CACNG7: variants seen among roughly 807,000 people sequenced by gnomAD.
CACNG7 encodes calcium voltage-gated channel auxiliary subunit gamma 7.
CACNG7 carries 9 observed loss-of-function variants against 26.3 expected under a neutral mutation model. The observed-to-expected ratio is 0.34, with a 90% CI of 0.21 to 0.60. The LOEUF (loss-of-function observed/expected upper bound fraction) is 0.60. Among genes scored for constraint, CACNG7 ranks in the 20% least tolerant of loss-of-function variants. CACNG7 has a pLI of 0.81. For missense variants in CACNG7, 297 were observed against 380.4 expected, an observed-to-expected ratio of 0.78 and a Z score of 1.82; for synonymous variants, 170 against 157.0, an observed-to-expected ratio of 1.08 and a Z score of -0.62.
At chr19:53,935,323 C>CTT (rs924568571) in intron 4 of CACNG7, among the ~76,000 whole-genome samples, 3 of 142,220 alleles carry the variant, frequency 2.1e-5, no homozygotes, top group African/African-American at 5.2e-5. Context: ...CCAATACTGT[C>CTT]TTTTTTTTTT....
chr19:53,921,365 TCCCCAGGTCTGGTCATTGGTGGAGTTG>T (rs1599976329), intron 4 of CACNG7, among the ~76,000 whole-genome samples: 35 of 112,398 alleles, frequency 3.1e-4, no homozygotes, highest in African/African-American at 5.5e-4. Flanking sequence ...GGTGGAGTCG[TCCCCAGGTCTGGTCATTGGTGGAGTTG>T]CCCCAGGTCT....
At chr19:53,914,054 T>A (rs1213729984) in intron 2 of CACNG7, among the ~76,000 whole-genome samples, 1 of 151,586 alleles carries the variant, frequency 6.6e-6, no homozygotes, top group African/African-American at 2.4e-5. Flanking sequence ...GGCAGGTGGA[T>A]CACAAGGTCA....
At chr19:53,927,669 C>T (rs2069041157) in intron 4 of CACNG7, among the ~76,000 whole-genome samples, 1 of 151,954 alleles carries the variant, frequency 6.6e-6, no homozygotes. Flanking sequence ...GAAACCCCGT[C>T]TCTATTAAAA....
rs1409916281 is a variant in CACNG7, at chr19:53,921,634, TCCCCAGGTCTGGTCATTGGTGGACTTG to T, written c.424+6180_424+6206del. 5.0e-3 allele frequency among the ~76,000 whole-genome samples: 221 copies of T among 44,084 alleles called. 1 individual carries two copies. The highest frequency in any genetic ancestry group is 0.013 in the Middle Eastern group (1 of 76). The allele number at this position is 44,084 out of a possible 152,430, so 28.9% of individuals were successfully genotyped here. The stretch of plus-strand genomic sequence containing the variant: ...CCAGGTCTGGTCATTGGTGGAGTCG[TCCCCAGGTCTGGTCATTGGTGGACTTG>T]CCCCAGGTCTGGTCATTGGTGGACT... On this transcript the variant is annotated intron_variant, in intron 4 of 5. Transcript: ENST00000391767.
At chr19:53,922,857 T>TCTGGTCATTGGTGGAGTTGACTCAGG (rs2068974287) in intron 4 of CACNG7, among the ~76,000 whole-genome samples, 1 of 64,008 alleles carries the variant, frequency 1.6e-5, no homozygotes, top group Non-Finnish European at 2.6e-5. Flanking sequence ...TTGCCCCAGG[T>TCTGGTCATTGGTGGAGTTGACTCAGG]CTGGTCATTG....
At position 53,909,480 on chromosome 19, in the gene CACNG7, G is replaced by GC. The variant is rs1375544864; in HGVS notation, c.-67_-66insC. ...CTCGGGGCCGGTCATGCGGCTGCGG[G>GC]GCCCGCGGCCCGGAGCGTCCGCCCA... On this transcript the variant is annotated 5_prime_UTR_variant, in exon 1 of 6. It removes the in-frame stop codon of an upstream open reading frame in the 5' UTR. Coordinates refer to ENST00000391767, the MANE Select transcript of CACNG7 (RefSeq NM_031896.5). The surrounding 1 kb of genome is among the most constrained non-coding windows in gnomAD (Gnocchi z 5.1). 1 of 151,756 alleles carries GC rather than the reference G, an allele frequency of 6.6e-6. No homozygotes were observed. The highest frequency in any genetic ancestry group is 1.5e-5 in the Non-Finnish European group (1 of 67,702). 9.4% of individuals were successfully genotyped at this position (151,756 alleles called of 1,614,324 possible).
At chr19:53,924,371 T>C (rs867614831) in intron 4 of CACNG7, among the ~76,000 whole-genome samples, 69 of 132,952 alleles carry the variant, frequency 5.2e-4, no homozygotes, top group Admixed American at 1.4e-3. Flanking sequence ...TGTCCCCAGG[T>C]CTGGTCATTG....
intron 4 of CACNG7, among the ~76,000 whole-genome samples, chr19:53,938,598 C>A (rs1458184586): frequency 6.6e-6 from 1 of 152,172 alleles, no homozygotes; most frequent in African/African-American, 2.4e-5. Context: ...ATGGGTGTGG[C>A]TGTGTTCCAC....
intron 4 of CACNG7, among the ~76,000 whole-genome samples, chr19:53,934,291 G>A (rs1045763905): frequency 6.6e-6 from 1 of 152,170 alleles, no homozygotes; most frequent in African/African-American, 2.4e-5. Context: ...TAGACTAGAG[G>A]CTTGATAACA....
At chr19:53,921,581 C>T (rs1394050250) in intron 4 of CACNG7, among the ~76,000 whole-genome samples, 1 of 118,684 alleles carries the variant, frequency 8.4e-6, no homozygotes, top group Admixed American at 7.9e-5. Flanking sequence ...TGGAGTTGCC[C>T]CAGGTCTGGT....
chr19:53,926,417 C>T (rs1186126323), intron 4 of CACNG7, among the ~76,000 whole-genome samples: 1 of 152,026 alleles, frequency 6.6e-6, no homozygotes, highest in East Asian at 1.9e-4. Context: ...AGTCCTTTCC[C>T]CACCTCCAAC....
chr19:53,938,378 G>T (rs558409825), intron 4 of CACNG7, among the ~76,000 whole-genome samples: 5 of 152,134 alleles, frequency 3.3e-5, no homozygotes, highest in Non-Finnish European at 7.4e-5. Flanking sequence ...AAGTTAGGTG[G>T]TCTAAGAAAA....
At chr19:53,927,205 C>G (rs1478425499) in intron 4 of CACNG7, among the ~76,000 whole-genome samples, 2 of 152,110 alleles carry the variant, frequency 1.3e-5, no homozygotes, top group Non-Finnish European at 2.9e-5. Context: ...CAGGCGTGAG[C>G]CACTGCGGCG....
intron 4 of CACNG7, among the ~76,000 whole-genome samples, chr19:53,931,265 C>T (rs926417933): frequency 3.9e-5 from 6 of 152,142 alleles, no homozygotes; most frequent in African/African-American, 9.7e-5. Context: ...CAGACATGGA[C>T]GTTTTATAAT....
chr19:53,915,979 T>G (rs2068894986), intron 4 of CACNG7, among the ~76,000 whole-genome samples: 1 of 152,196 alleles, frequency 6.6e-6, no homozygotes, highest in Non-Finnish European at 1.5e-5. Context: ...TTGTTTTAAA[T>G]TTTTTCAAAT....
intron 4 of CACNG7, among the ~76,000 whole-genome samples, chr19:53,935,655 T>TTTTC (rs1358561554): frequency 4.8e-5 from 7 of 144,856 alleles, no homozygotes; most frequent in Non-Finnish European, 1.1e-4. Flanking sequence ...TTTTTTTTTT[T>TTTTC]TTGAGTTGGA....
intron 4 of CACNG7, among the ~76,000 whole-genome samples, chr19:53,931,191 G>T (rs574160392): frequency 6.6e-6 from 1 of 152,248 alleles, no homozygotes; most frequent in South Asian, 2.1e-4. Context: ...GCCAGATCTT[G>T]TCTCTAAATA....
chr19:53,914,397 C>A (rs554742023), intron 2 of CACNG7, 103 bp from the exon 3 acceptor site: 8 of 883,054 alleles, frequency 9.1e-6, no homozygotes, highest in East Asian at 5.2e-5. Context: ...AGGCCTTGCT[C>A]CCCCATCCTG....
intron 1 of CACNG7, among the ~76,000 whole-genome samples, chr19:53,910,690 G>A (rs953916014): frequency 3.9e-5 from 6 of 152,096 alleles, no homozygotes; most frequent in Non-Finnish European, 8.8e-5. Context: ...GGGGAGAATC[G>A]TGGGTAAGGA....
Sources: gnomAD v4.1 joint callset for allele counts (sites outside exome capture counted in the v4.1 genomes callset) on GRCh38, gnomAD v4.1.1 for gene constraint, Gnocchi (gnomAD v3.1) non-coding constraint, MANE v1.5 for transcripts, NCBI Gene and HGNC (gene_info 2026-07-23, HGNC 2026-07-21) for gene names.